The following TAOK3 variants were observed in gnomAD, a reference collection of about 807,000 sequenced individuals.
The protein encoded by TAOK3 is serine/threonine-protein kinase TAO3.
Under a neutral mutation model 120.4 loss-of-function variants are expected in TAOK3, and 40 were observed. The ratio of observed to expected loss-of-function variants is 0.33; its 90% CI spans 0.26 to 0.43. The LOEUF (loss-of-function observed/expected upper bound fraction) is 0.43. Ranked by LOEUF, TAOK3 falls within the 20% of genes least tolerant of loss-of-function variation. TAOK3 has a pLI of 1.00. For missense variants in TAOK3, 821 were observed against 1,112.1 expected, an observed-to-expected ratio of 0.74 and a Z score of 3.72; for synonymous variants, 355 against 387.5, an observed-to-expected ratio of 0.92 and a Z score of 0.99.
intron 1 of TAOK3, among the ~76,000 whole-genome samples, chr12:118,298,283 T>TTAAATGCAGATTCCTA (rs2042754556): frequency 6.6e-6 from 1 of 152,200 alleles, no homozygotes; most frequent in South Asian, 2.1e-4. Context: ...CTGAGCATCT[T>TTAAATGCAGATTCCTA]GTTAAAATGC....
intron 9 of TAOK3, among the ~76,000 whole-genome samples, chr12:118,222,005 A>G (rs1430472135): frequency 6.6e-6 from 1 of 152,210 alleles, no homozygotes; most frequent in Non-Finnish European, 1.5e-5. Flanking sequence ...CATTAAAAGA[A>G]AAAACAGTAG....
At position 118,160,638 on chromosome 12, in the gene TAOK3, T is replaced by C. The variant is rs1449183951; in HGVS notation, c.2140-280A>G. 6.6e-6 allele frequency among the ~76,000 whole-genome samples: 1 copy of C among 152,218 alleles called. No homozygotes were observed. Among genetic ancestry groups the C allele is most frequent in the Non-Finnish European group, 1.5e-5 (1 of 68,036 alleles). Reference sequence around the variant, plus strand: ...CAAGGGGATGACAACTCTAAGCAGATTGAGCGATACTATGAAGCTTAGCTT... The same window carrying C: ...CAAGGGGATGACAACTCTAAGCAGACTGAGCGATACTATGAAGCTTAGCTT... On this transcript the variant is annotated intron_variant, in intron 18 of 20. Coordinates refer to ENST00000392533, the MANE Select transcript of TAOK3 (RefSeq NM_016281.4). This position sits in a 1 kb window ranked among gnomAD's most constrained non-coding sequence, Gnocchi z 4.2.
chr12:118,152,517 G>T (rs752874849), intron 19 of TAOK3, 108 bp from the exon 20 acceptor site: 68 of 1,175,302 alleles, frequency 5.8e-5, no homozygotes, highest in Non-Finnish European at 8.0e-5. Flanking sequence ...GATTGAAATT[G>T]GTTGCCCCCT....
intron 2 of TAOK3, among the ~76,000 whole-genome samples, chr12:118,259,134 T>C (rs2041115895): frequency 6.6e-6 from 1 of 152,176 alleles, no homozygotes; most frequent in African/African-American, 2.4e-5. Flanking sequence ...AATCAATAAC[T>C]GTAACTATAT....
In TAOK3 at chr12:118,212,923, T is replaced by C. The variant is rs1196100271; in HGVS notation, c.810A>G (p.Glu270=). Residue 270 remains glutamate (E), a synonymous_variant, in exon 11 of 21, where the codon GAA becomes GAG. Transcript: ENST00000392533. ...AAATTTGAAAAATTACCCTTAATAG[T>C]TCTGCTGATGTTGGCCTTTCCTGAG... ...KIPQERPTSA[E]LLRHDFVRRD... is the part of the protein sequence containing the mutation. 3 of 1,610,668 alleles carry C rather than the reference T, an allele frequency of 1.9e-6. No individual in the cohort carries two copies. The highest frequency in any genetic ancestry group is 2.5e-6 in the Non-Finnish European group (3 of 1,177,968).
At chr12:118,261,159 G>A (rs1490399512) in intron 2 of TAOK3, among the ~76,000 whole-genome samples, 1 of 152,134 alleles carries the variant, frequency 6.6e-6, no homozygotes, top group Non-Finnish European at 1.5e-5. Flanking sequence ...CCAAACCCAC[G>A]ACCCAGAGCA....
chr12:118,150,956 C>CTTT lies in TAOK3; in HGVS notation c.*38_*40dup, dbSNP rs201481032. The CTTT allele has an allele frequency of 7.2e-4, 903 of 1,254,240 alleles. 4 individuals are homozygous for CTTT. The highest frequency in any genetic ancestry group is 2.0e-3 in the South Asian group (123 of 61,922). The allele number at this position is 1,254,240 out of a possible 1,614,324, so 77.7% of individuals were successfully genotyped here. ...CAGGGTCTGAATTTTTTTCTGTTTT[C>CTTT]TTTTTTTTTTTTTTTTTTGTAAATG... On this transcript the variant is annotated 3_prime_UTR_variant, in exon 21 of 21. Transcript: ENST00000392533.
At chr12:118,182,741 T>A (rs2036842641) in intron 14 of TAOK3, among the ~76,000 whole-genome samples, 1 of 151,206 alleles carries the variant, frequency 6.6e-6, no homozygotes, top group Non-Finnish European at 1.5e-5. Context: ...AAGAGATCTC[T>A]TAAATCATGT....
chr12:118,341,303 A>AT (rs1042329141), intron 1 of TAOK3, among the ~76,000 whole-genome samples: 10 of 148,428 alleles, frequency 6.7e-5, no homozygotes, highest in South Asian at 2.1e-4. Flanking sequence ...ACCAGCCTAA[A>AT]TTTTTTTTTT....
intron 13 of TAOK3, among the ~76,000 whole-genome samples, chr12:118,192,504 C>T (rs541956515): frequency 6.6e-6 from 1 of 152,172 alleles, no homozygotes; most frequent in Non-Finnish European, 1.5e-5. Context: ...CAAAATGGAA[C>T]AAAATTTTAG....
chr12:118,367,769 A>AT lies in TAOK3; in HGVS notation c.-194+4878dup, dbSNP rs911039943. Reference sequence around the variant, plus strand: ...AATCCTCCCTCCCTCTCTCCCTTCTATTTTTTTTTGGCGGGGGGTGGGGAG... The same window carrying AT: ...AATCCTCCCTCCCTCTCTCCCTTCTATTTTTTTTTTGGCGGGGGGTGGGGAG... On this transcript the variant is annotated intron_variant, in intron 1 of 20. Transcript: ENST00000392533. Among the ~76,000 whole-genome samples the AT allele has an allele frequency of 1.0e-4, 15 of 148,806 alleles. 1 individual carries two copies. The highest frequency in any genetic ancestry group is 2.0e-4 in the Admixed American group (3 of 14,850).
intron 8 of TAOK3, among the ~76,000 whole-genome samples, chr12:118,234,559 G>A (rs969132883): frequency 6.6e-6 from 1 of 151,830 alleles, no homozygotes; most frequent in African/African-American, 2.4e-5. Flanking sequence ...TTTTGTTGTT[G>A]TTGTTGAGAG....
chr12:118,194,894 G>A (rs1010909739), intron 13 of TAOK3, among the ~76,000 whole-genome samples: 11 of 151,876 alleles, frequency 7.2e-5, no homozygotes, highest in Non-Finnish European at 1.2e-4. Context: ...GATTACAGGC[G>A]CGTGCCACCA....
At chr12:118,361,279 A>G (rs1053313717) in intron 1 of TAOK3, among the ~76,000 whole-genome samples, 12 of 152,206 alleles carry the variant, frequency 7.9e-5, no homozygotes, top group Non-Finnish European at 1.3e-4. Flanking sequence ...TTTTAGCCAC[A>G]ATGAGATACA....
chr12:118,167,287 G>C (rs1182624881), intron 17 of TAOK3, among the ~76,000 whole-genome samples: 1 of 152,052 alleles, frequency 6.6e-6, no homozygotes, highest in Admixed American at 6.6e-5. Context: ...TGCTTTGTTG[G>C]TGGGAGTATA....
chr12:118,274,862 G>A (rs945753640), intron 1 of TAOK3, among the ~76,000 whole-genome samples: 1 of 151,304 alleles, frequency 6.6e-6, no homozygotes, highest in Non-Finnish European at 1.5e-5. Context: ...TGAACTCCTG[G>A]CCTCCCAAAG....
At chr12:118,366,387 A>C (rs1378653748) in intron 1 of TAOK3, among the ~76,000 whole-genome samples, 1 of 152,252 alleles carries the variant, frequency 6.6e-6, no homozygotes, top group Non-Finnish European at 1.5e-5. Flanking sequence ...TTCTGTCTTG[A>C]TTAGTGCCAT....
chr12:118,358,650 CTTAG>C (rs1248573991), intron 1 of TAOK3, among the ~76,000 whole-genome samples: 3 of 152,004 alleles, frequency 2.0e-5, no homozygotes, highest in East Asian at 3.9e-4. Flanking sequence ...CAGCATTTAC[CTTAG>C]TTATTCAGGA....
chr12:118,326,887 G>T (rs917851461), intron 1 of TAOK3, among the ~76,000 whole-genome samples: 1 of 152,004 alleles, frequency 6.6e-6, no homozygotes, highest in African/African-American at 2.4e-5. Context: ...ACTCTTCAAA[G>T]GTAATAATTA....
Sources: allele counts gnomAD v4.1 joint callset (sites outside exome capture counted in the v4.1 genomes callset), GRCh38; gene constraint gnomAD v4.1.1; non-coding constraint Gnocchi (gnomAD v3.1); transcripts MANE v1.5; gene names NCBI Gene and HGNC (gene_info 2026-07-23, HGNC 2026-07-21).